SH2D4A: variants seen among roughly 807,000 people sequenced by gnomAD.
SH2D4A encodes the protein SH2 domain-containing protein 4A.
SH2D4A carries 70 observed loss-of-function variants against 64.7 expected under a neutral mutation model. That is an observed-to-expected ratio of 1.08 (90% confidence interval 0.89 to 1.32). The LOEUF (loss-of-function observed/expected upper bound fraction) is 1.32. Ranked by LOEUF, SH2D4A falls within the 40% of genes most tolerant of loss-of-function variation. SH2D4A has a pLI of 0.00. For missense variants in SH2D4A, 706 were observed against 540.1 expected, an observed-to-expected ratio of 1.31 and a Z score of -3.04; for synonymous variants, 268 against 200.7, an observed-to-expected ratio of 1.34 and a Z score of -2.83.
At chr8:19,314,167 G>A in intron 1 of SH2D4A, 1 of 979,002 alleles carries the variant, frequency 1.0e-6, no homozygotes, top group Non-Finnish European at 1.3e-6. Flanking sequence ...GAGGACCTTC[G>A]GGGAAGTTCT....
chr8:19,355,018 C>T (rs1279481362), intron 4 of SH2D4A, among the ~76,000 whole-genome samples: 1 of 151,946 alleles, frequency 6.6e-6, no homozygotes, highest in East Asian at 1.9e-4. Flanking sequence ...TGTAGAGCAG[C>T]GAAGTATCCT....
At chr8:19,361,485 T>G (rs1019644106) in intron 6 of SH2D4A, among the ~76,000 whole-genome samples, 171 bp downstream of exon 6, 6 of 152,228 alleles carry the variant, frequency 3.9e-5, no homozygotes, top group African/African-American at 1.4e-4. Flanking sequence ...TACAGGCTAC[T>G]TTTGAACAGC....
chr8:19,383,209 G>A (rs922137188), intron 8 of SH2D4A, among the ~76,000 whole-genome samples: 2 of 151,958 alleles, frequency 1.3e-5, no homozygotes, highest in South Asian at 2.1e-4. Context: ...ATGCTGTTCC[G>A]TAGGTCTGGT....
intron 8 of SH2D4A, among the ~76,000 whole-genome samples, chr8:19,378,545 C>T (rs886339026): frequency 6.6e-6 from 1 of 152,086 alleles, no homozygotes; most frequent in African/African-American, 2.4e-5. Context: ...AAGCAATTCT[C>T]CTGCCTCAGC....
chr8:19,377,239 G>A (rs2053211528), intron 8 of SH2D4A, among the ~76,000 whole-genome samples: 2 of 152,118 alleles, frequency 1.3e-5, no homozygotes, highest in African/African-American at 4.8e-5. Flanking sequence ...AACATGACCT[G>A]GATGTGGTGG....
At chr8:19,357,363 C>T in intron 5 of SH2D4A, 80 bp downstream of exon 5, 2 of 1,023,234 alleles carry the variant, frequency 2.0e-6, no homozygotes, top group East Asian at 4.8e-5. Context: ...GTTAATTAAT[C>T]TCATGCAGAA....
At chr8:19,391,747 T>C (rs1430972942) in intron 8 of SH2D4A, among the ~76,000 whole-genome samples, 1 of 152,160 alleles carries the variant, frequency 6.6e-6, no homozygotes, top group African/African-American at 2.4e-5. Flanking sequence ...AGGGTCTGTT[T>C]ACAGAAAAGA....
At chr8:19,336,738 A>T (rs949845562) in intron 4 of SH2D4A, among the ~76,000 whole-genome samples, 3 of 152,066 alleles carry the variant, frequency 2.0e-5, no homozygotes, top group Admixed American at 1.3e-4. Context: ...ATGGTGGTGC[A>T]TGCCTGTAGT....
chr8:19,392,347 A>G (rs2053506355), intron 8 of SH2D4A, among the ~76,000 whole-genome samples: 1 of 152,126 alleles, frequency 6.6e-6, no homozygotes. Flanking sequence ...TAAATTACTG[A>G]GCCTCCCACA....
At chr8:19,374,199 G>A (rs2053157410) in intron 8 of SH2D4A, among the ~76,000 whole-genome samples, 1 of 152,204 alleles carries the variant, frequency 6.6e-6, no homozygotes. Context: ...ATGTAGTTGA[G>A]TGTGTAACAT....
intron 7 of SH2D4A, among the ~76,000 whole-genome samples, chr8:19,367,894 A>G (rs1163103014): frequency 1.3e-5 from 2 of 152,106 alleles, no homozygotes; most frequent in Non-Finnish European, 2.9e-5. Flanking sequence ...TGAGCAACAT[A>G]GGGAGACAGT....
At chr8:19,374,091 C>G (rs543506234) in intron 8 of SH2D4A, among the ~76,000 whole-genome samples, 1 of 152,312 alleles carries the variant, frequency 6.6e-6, no homozygotes, top group East Asian at 1.9e-4. Flanking sequence ...CGTAGGAAAT[C>G]AATTTAAGCC....
At chr8:19,363,941 T>A in intron 6 of SH2D4A, 131 bp from the exon 7 acceptor site, 1 of 784,886 alleles carries the variant, frequency 1.3e-6, no homozygotes, top group Non-Finnish European at 2.0e-6. Context: ...TTGATAATGA[T>A]TGTTCCTTAT....
intron 4 of SH2D4A, among the ~76,000 whole-genome samples, chr8:19,340,631 G>C (rs1209885115): frequency 7.0e-6 from 1 of 142,862 alleles, no homozygotes; most frequent in Non-Finnish European, 1.5e-5. Flanking sequence ...TTTGAGACAG[G>C]GTCTTGCTCT....
intron 4 of SH2D4A, among the ~76,000 whole-genome samples, chr8:19,341,390 T>C (rs1175803503): frequency 1.3e-5 from 2 of 152,248 alleles, no homozygotes; most frequent in Non-Finnish European, 2.9e-5. Flanking sequence ...AAGCAGTTTT[T>C]ATTGAAGTTA....
chr8:19,391,210 C>T (rs775654443), intron 8 of SH2D4A, among the ~76,000 whole-genome samples: 2 of 152,110 alleles, frequency 1.3e-5, no homozygotes, highest in African/African-American at 2.4e-5. Context: ...CTTGTTTCAA[C>T]GTATGGTTGT....
Position 19,393,361 on chromosome 8 carries a change from A to T in SH2D4A, c.1092A>T (p.Thr364=), listed in dbSNP as rs143302845. 1.1e-5 allele frequency: 17 copies of T among 1,613,978 alleles called. No homozygotes were observed. In the African/African-American group the frequency reaches 2.0e-4, roughly 19 times the overall value. Residue 364 remains threonine, a synonymous_variant, in exon 9 of 10, where the codon ACA becomes ACT. Coordinates refer to ENST00000265807, the MANE Select transcript of SH2D4A (RefSeq NM_022071.4). The part of the protein sequence containing the change: ...LKKANELLLS[T]GMPGSFLIRV... Reference sequence around the variant, plus strand: ...AAGCAAATGAACTTCTTCTGAGCACAGGCATGCCCGGCAGTTTTCTCATCC... The same window carrying T: ...AAGCAAATGAACTTCTTCTGAGCACTGGCATGCCCGGCAGTTTTCTCATCC...
At chr8:19,339,287 C>A (rs1183370872) in intron 4 of SH2D4A, among the ~76,000 whole-genome samples, 1 of 152,176 alleles carries the variant, frequency 6.6e-6, no homozygotes, top group Non-Finnish European at 1.5e-5. Context: ...GGTGGATCTG[C>A]CTTTCCCAGT....
chr8:19,364,002 A>G (rs1029922564), intron 6 of SH2D4A, 70 bp from the exon 7 acceptor site: 27 of 1,478,302 alleles, frequency 1.8e-5, no homozygotes, highest in Non-Finnish European at 2.4e-5. Context: ...CCGTTGTGCA[A>G]TGAATGCTGA....
Sources: gnomAD v4.1 joint callset for allele counts (sites outside exome capture counted in the v4.1 genomes callset) on GRCh38, gnomAD v4.1.1 for gene constraint, MANE v1.5 for transcripts, NCBI Gene and HGNC (gene_info 2026-07-23, HGNC 2026-07-21) for gene names.